SPC24: variants seen among roughly 807,000 people sequenced by gnomAD.
SPC24 encodes the protein kinetochore protein Spc24.
A neutral mutation model predicts 27.6 loss-of-function variants in SPC24; 31 were observed. The observed-to-expected ratio is 1.12, with a 90% CI of 0.84 to 1.52. SPC24 has a LOEUF of 1.52. Among genes scored for constraint, SPC24 ranks in the 40% most tolerant of loss-of-function variants. The probability of loss-of-function intolerance (pLI) is 0.00; values close to 1 mark genes in which losing one functional copy is unlikely to be tolerated. For missense variants in SPC24, 284 were observed against 252.5 expected (o/e 1.12, Z -0.84); for synonymous variants, 105 against 105.8 (o/e 0.99, Z 0.05).
intron 1 of SPC24, among the ~76,000 whole-genome samples, chr19:11,152,985 TAGGCCAATCAAGGCTCAGCCC>T (rs2077883692): frequency 1.3e-5 from 2 of 151,922 alleles, no homozygotes; most frequent in Non-Finnish European, 2.9e-5. Context: ...ACTGGCTCCA[TAGGCCAATCAAGGCTCAGCCC>T]AGGCCTCCTC....
chr19:11,147,538 C>T (rs752551822), intron 4 of SPC24: 2 of 564,046 alleles, frequency 3.5e-6, no homozygotes, highest in Non-Finnish European at 3.2e-6. Context: ...AGGTCTTCTG[C>T]CCACCTCGGC....
Position 11,148,129 on chromosome 19 carries a change from C to T in SPC24, c.306-12G>A, listed in dbSNP as rs767483318. On this transcript the variant is annotated splice_polypyrimidine_tract_variant and intron_variant, in intron 2 of 4. Transcript: ENST00000592540. ...CTCTGGTGAGCTGAGTAGGGCAGGT[C>T]GTTAAGGACCCCGGCTTTCGAGAGA... The T allele has an allele frequency of 3.1e-5, 50 of 1,601,570 alleles. No individual in the cohort carries two copies. Among genetic ancestry groups the T allele is most frequent in the Non-Finnish European group, 3.8e-5 (44 of 1,169,976 alleles).
At position 11,149,127 on chromosome 19, in the gene SPC24, C is replaced by G; in HGVS notation, c.272G>C (p.Gly91Ala). 1 of 1,548,762 alleles carries G rather than the reference C, an allele frequency of 6.5e-7. No homozygotes were observed. Residue 91 changes from glycine to alanine, a missense_variant, in exon 2 of 5, where the codon GGG becomes GCG. Physicochemically the swap from Gly to Ala is moderately conservative, Grantham distance 60. Transcript: ENST00000592540. ...QQLEAGLQEA[G>A]EEDTRLKASL... Reference sequence around the variant, plus strand: ...GGCCTTCAGACGGGTGTCCTCCTCCCCAGCCTCCTGAAGCCCAGCTTCCAG... The same window carrying G: ...GGCCTTCAGACGGGTGTCCTCCTCCGCAGCCTCCTGAAGCCCAGCTTCCAG...
intron 1 of SPC24, among the ~76,000 whole-genome samples, chr19:11,152,267 T>C (rs1271579770): frequency 6.6e-6 from 1 of 151,744 alleles, no homozygotes; most frequent in Non-Finnish European, 1.5e-5. Context: ...TGGAATACAG[T>C]GGTGTGACCT....
At position 11,155,740 on chromosome 19, in the gene SPC24, C is replaced by G. The variant is rs1216635835; in HGVS notation, c.37G>C (p.Gly13Arg). The G allele has an allele frequency of 5.1e-6, 8 of 1,577,798 alleles. No individual in the cohort carries two copies. Among genetic ancestry groups the G allele is most frequent in the East Asian group, 4.6e-5 (2 of 43,298 alleles). ...TTGGCGCCCAGCAGGCTGAGCAGCCCCTGGCTCACCTCCTCTATGTCGCGG... is the reference window on the plus strand; with the variant it reads ...TTGGCGCCCAGCAGGCTGAGCAGCCGCTGGCTCACCTCCTCTATGTCGCGG... ...AFRDIEEVSQGLLSLLGANRA... is the reference protein window; with the variant it reads ...AFRDIEEVSQRLLSLLGANRA... The change falls in exon 1 of 5, where the codon GGG (glycine) becomes CGG (arginine). Residue 13 changes from glycine to arginine, a missense_variant. By Grantham distance (125) the Gly-to-Arg change is moderately radical (BLOSUM62 -2). Transcript: ENST00000592540.
intron 2 of SPC24, among the ~76,000 whole-genome samples, chr19:11,148,775 G>A (rs771021813): frequency 1.2e-4 from 18 of 151,948 alleles, no homozygotes; most frequent in South Asian, 4.1e-4. Flanking sequence ...GACCACGCCC[G>A]GCTAATTTTT....
chr19:11,151,420 G>A (rs1036587222), intron 1 of SPC24, among the ~76,000 whole-genome samples: 7 of 152,114 alleles, frequency 4.6e-5, no homozygotes, highest in African/African-American at 1.7e-4. Flanking sequence ...TTCGGATGGG[G>A]CCTGCTGATT....
chr19:11,150,524 C>T (rs2077863283), intron 1 of SPC24, among the ~76,000 whole-genome samples: 1 of 151,252 alleles, frequency 6.6e-6, no homozygotes, highest in South Asian at 2.1e-4. Context: ...TGGCTGGGCA[C>T]AGTGGCTCAT....
intron 4 of SPC24, 185 bp from the exon 5 acceptor site, chr19:11,147,474 C>T (rs1037458999): frequency 2.3e-5 from 13 of 577,326 alleles, no homozygotes; most frequent in African/African-American, 2.2e-4. Flanking sequence ...GATTCTCATG[C>T]CTCAGCCTCC....
chr19:11,151,515 C>G (rs2077871064), intron 1 of SPC24, among the ~76,000 whole-genome samples: 1 of 151,996 alleles, frequency 6.6e-6, no homozygotes, highest in African/African-American at 2.4e-5. Flanking sequence ...ACAACCAAGT[C>G]TTCTTGAATT....
intron 1 of SPC24, among the ~76,000 whole-genome samples, chr19:11,153,698 C>G (rs897297958): frequency 6.8e-6 from 1 of 146,538 alleles, no homozygotes; most frequent in Non-Finnish European, 1.5e-5. Context: ...AGGCATAGGT[C>G]GCAGTGAGCA....
At position 11,147,846 on chromosome 19, in the gene SPC24, A is replaced by G; in HGVS notation, c.459T>C (p.Tyr153=). The G allele has an allele frequency of 6.2e-7, 1 of 1,611,560 alleles. No individual in the cohort carries two copies. Among genetic ancestry groups the G allele is most frequent in the Non-Finnish European group, 8.5e-7 (1 of 1,179,364 alleles). ...CTTTGACCATCCCTGGCTCACACTC[A>G]TAATCCCACTCAATTTTACTAACTT... The part of the protein sequence containing the change: ...YHQVSKIEWD[Y]ECEPGMVKGI... Residue 153 remains tyrosine, a synonymous_variant, in exon 4 of 5, where the codon TAT becomes TAC. Transcript: ENST00000592540.
chr19:11,147,048 C>T lies in SPC24; in HGVS notation c.*135G>A. On this transcript the variant is annotated 3_prime_UTR_variant, in exon 5 of 5. Coordinates refer to ENST00000592540, the MANE Select transcript of SPC24 (RefSeq NM_182513.4). Reference sequence around the variant, plus strand: ...TGAGCTGAGATTGTGCCATTGCACTCCAGACTGGACAACAAGAGTGAAACT... The same window carrying T: ...TGAGCTGAGATTGTGCCATTGCACTTCAGACTGGACAACAAGAGTGAAACT... The T allele has an allele frequency of 3.6e-6, 2 of 557,162 alleles. No individual in the cohort carries two copies. The highest frequency in any genetic ancestry group is 6.8e-5 in the Admixed American group (2 of 29,588). The allele number at this position is 557,162 out of a possible 1,614,324, so 34.5% of individuals were successfully genotyped here. A position where few individuals can be genotyped will look rare whatever the true frequency, so the allele number is the denominator to read the frequency against.
rs745329897 is a variant in SPC24 at position 11,148,051 on chromosome 19, C to T, written c.372G>A (p.Glu124=). ...IEADLERQEK[E]VDEDTTVTIP... ...TTGTGACTGTCGTGTCCTCGTCGAC[C>T]TCCTTCTCCTGTCGCTCCAGATCCG... The change falls in exon 3 of 5, where the codon GAG becomes GAA. Residue 124 remains glutamate, a synonymous_variant. Coordinates refer to ENST00000592540, the MANE Select transcript of SPC24 (RefSeq NM_182513.4). The T allele has an allele frequency of 6.2e-7, 1 of 1,613,902 alleles. No homozygotes were observed. Among genetic ancestry groups the T allele is most frequent in the Non-Finnish European group, 8.5e-7 (1 of 1,179,888 alleles).
intron 1 of SPC24, among the ~76,000 whole-genome samples, chr19:11,153,760 G>A (rs1300286705): frequency 3.8e-5 from 5 of 132,142 alleles, no homozygotes; most frequent in Non-Finnish European, 4.7e-5. Flanking sequence ...ACTGTCCTGG[G>A]AAAAAAAAAA....
intron 1 of SPC24, among the ~76,000 whole-genome samples, chr19:11,154,198 AT>A (rs1464837177): frequency 1.3e-5 from 2 of 152,122 alleles, no homozygotes; most frequent in African/African-American, 2.4e-5. Context: ...AATAAACACA[AT>A]GCGGTCCATC....
In SPC24 at chr19:11,155,691, C is replaced by G. The variant is rs1400993021; in HGVS notation, c.86G>C (p.Arg29Pro). The change falls in exon 1 of 5, where the codon CGG (arginine) becomes CCG (proline). Residue 29 changes from arginine to proline, a missense_variant. By Grantham distance (103) the Arg-to-Pro change is moderately radical. Coordinates refer to ENST00000592540, the MANE Select transcript of SPC24 (RefSeq NM_182513.4). ...CACCTGCTCGTGGCGCCCCAGCAGC[C>G]GTCGCTGCTGCGCCTCCGCGCGGTT... ...GANRAEAQQRRLLGRHEQVVE... is the reference protein window; with the variant it reads ...GANRAEAQQRPLLGRHEQVVE... 6.4e-7 allele frequency: 1 copy of G among 1,566,460 alleles called. No individual in the cohort carries two copies. The highest frequency in any genetic ancestry group is 1.2e-5 in the South Asian group (1 of 86,516).
intron 2 of SPC24, 33 bp from the exon 3 acceptor site, chr19:11,148,150 A>G: frequency 2.0e-6 from 3 of 1,500,148 alleles, no homozygotes; most frequent in African/African-American, 1.4e-5. Context: ...CCGGCTTTCG[A>G]GAGAGGGCTG....
Position 11,146,116 on chromosome 19 carries a change from T to C in SPC24, c.*1067A>G, listed in dbSNP as rs1282361027. The C allele has an allele frequency of 6.6e-6, 1 of 152,078 alleles. No individual in the cohort carries two copies. The highest frequency in any genetic ancestry group is 1.5e-5 in the Non-Finnish European group (1 of 68,032). 9.4% of individuals were successfully genotyped at this position (152,078 alleles called of 1,614,324 possible). ...TGTCCTCCATGAAGCCTGCACACTC[T>C]GGTGTGGCTCCTGTCGCAATCTGGA... On this transcript the variant is annotated 3_prime_UTR_variant, in exon 5 of 5. Coordinates refer to ENST00000592540, the MANE Select transcript of SPC24 (RefSeq NM_182513.4).
Sources: gnomAD v4.1 joint callset for allele counts (sites outside exome capture counted in the v4.1 genomes callset) on GRCh38, gnomAD v4.1.1 for gene constraint, MANE v1.5 for transcripts, NCBI Gene and HGNC (gene_info 2026-07-23, HGNC 2026-07-21) for gene names.